DNAJA4: variants seen among roughly 807,000 people sequenced by gnomAD.
DNAJA4 encodes the protein DnaJ heat shock protein family (Hsp40) member A4.
DNAJA4 carries 32 observed loss-of-function variants against 39.7 expected under a neutral mutation model. The ratio of observed to expected loss-of-function variants is 0.81; its 90% CI spans 0.61 to 1.08. The LOEUF is 1.08. Ranked by LOEUF, DNAJA4 falls within the 50% of genes least tolerant of loss-of-function variation. The pLI is 0.00. For missense variants in DNAJA4, 439 were observed against 505.1 expected, an observed-to-expected ratio of 0.87 and a Z score of 1.25; for synonymous variants, 184 against 182.4, an observed-to-expected ratio of 1.01 and a Z score of -0.07.
intron 5 of DNAJA4, among the ~76,000 whole-genome samples, chr15:78,277,353 G>A (rs145847368): frequency 2.6e-5 from 4 of 152,176 alleles, no homozygotes; most frequent in Admixed American, 6.5e-5. Context: ...ACGGGGTTTC[G>A]CCATGTTGCC....
intron 4 of DNAJA4, 174 bp downstream of exon 4, chr15:78,274,598 C>T: frequency 1.6e-6 from 1 of 637,592 alleles, no homozygotes; most frequent in Middle Eastern, 4.1e-4. Context: ...GCCTTATTTC[C>T]ATTCCATGTC....
chr15:78,279,766 C>T lies in DNAJA4; in HGVS notation c.878-279C>T. The T allele has an allele frequency of 2.0e-6, 1 of 493,206 alleles. No homozygotes were observed. The highest frequency in any genetic ancestry group is 3.6e-6 in the Non-Finnish European group (1 of 277,110). The allele number at this position is 493,206 out of a possible 1,614,324, so 30.6% of individuals were successfully genotyped here. On this transcript the variant is annotated intron_variant, in intron 5 of 6. Coordinates refer to ENST00000394852, the MANE Select transcript of DNAJA4 (RefSeq NM_001130182.2). This position sits in a 1 kb window ranked among gnomAD's most constrained non-coding sequence, Gnocchi z 4.5. Reference sequence around the variant, plus strand: ...CTTGGGTGTCATGACTTCTAGTTCACTTGTTTTAAACCTACCTGTGATGGC... The same window carrying T: ...CTTGGGTGTCATGACTTCTAGTTCATTTGTTTTAAACCTACCTGTGATGGC...
rs116625520 is a variant in DNAJA4, at chr15:78,272,379, C to T, written c.314-716C>T. Among the ~76,000 whole-genome samples, 542 of 152,270 alleles carry T rather than the reference C, an allele frequency of 3.6e-3. 2 individuals are homozygous for T. The highest frequency in any genetic ancestry group is 0.012 in the African/African-American group (492 of 41,548). The stretch of plus-strand genomic sequence containing the variant: ...AAAAAACCTTGGGTATTCTCTTGTC[C>T]AGCTCCCTCACTGTCTTGAGATGAA... On this transcript the variant is annotated intron_variant, in intron 2 of 6. Coordinates refer to ENST00000394852, the MANE Select transcript of DNAJA4 (RefSeq NM_001130182.2).
At position 78,280,711 on chromosome 15, in the gene DNAJA4, A is replaced by G. The variant is rs762692700; in HGVS notation, c.*251A>G. The G allele has an allele frequency of 1.2e-5, 5 of 407,522 alleles. No homozygotes were observed. The highest frequency in any genetic ancestry group is 2.2e-5 in the Non-Finnish European group (5 of 228,130). The allele number at this position is 407,522 out of a possible 1,614,324, so 25.2% of individuals were successfully genotyped here. A position where few individuals can be genotyped will look rare whatever the true frequency, so the allele number is the denominator to read the frequency against. On this transcript the variant is annotated 3_prime_UTR_variant, in exon 7 of 7. Transcript: ENST00000394852. The stretch of plus-strand genomic sequence containing the variant: ...ATGGAATCTGTTCATTTCTATTTTC[A>G]GGATATACTTTTGAGATGTCAGTGA...
Position 78,280,520 on chromosome 15 carries a change from A to G in DNAJA4, c.*60A>G. 7.1e-7 allele frequency: 1 copy of G among 1,417,464 alleles called. No individual in the cohort carries two copies. Among genetic ancestry groups the G allele is most frequent in the East Asian group, 2.4e-5 (1 of 40,890 alleles). 87.8% of individuals were successfully genotyped at this position (1,417,464 alleles called of 1,614,324 possible). A position where few individuals can be genotyped will look rare whatever the true frequency, so the allele number is the denominator to read the frequency against. On this transcript the variant is annotated 3_prime_UTR_variant, in exon 7 of 7. Coordinates refer to ENST00000394852, the MANE Select transcript of DNAJA4 (RefSeq NM_001130182.2). ...CACATGATGAATGTAAAGTTGGCACAATGAAAATGACATCGCTTTAATGGC... is the reference window on the plus strand; with the variant it reads ...CACATGATGAATGTAAAGTTGGCACGATGAAAATGACATCGCTTTAATGGC...
At chr15:78,264,440 G>T (rs951118785), upstream of DNAJA4, 22 of 1,331,394 alleles carry the variant, frequency 1.7e-5, no homozygotes, top group East Asian at 3.1e-5. Context: ...TCTGGGCCGC[G>T]AACCCGCCGC....
chr15:78,264,440 G>C (rs951118785), upstream of DNAJA4: 4 of 1,331,396 alleles, frequency 3.0e-6, no homozygotes, highest in African/African-American at 3.1e-5. Context: ...TCTGGGCCGC[G>C]AACCCGCCGC....
In DNAJA4 at chr15:78,264,713, G is replaced by T; in HGVS notation, c.-51G>T. The stretch of plus-strand genomic sequence containing the variant: ...GGGCGCGGGCCAGGGTGCCGGCAGG[G>T]GCGTCCGGGGCGCTCTGACCGGCCT... On this transcript the variant is annotated 5_prime_UTR_variant, in exon 1 of 7. Coordinates refer to ENST00000394852, the MANE Select transcript of DNAJA4 (RefSeq NM_001130182.2). The T allele has an allele frequency of 7.2e-7, 1 of 1,383,926 alleles. No homozygotes were observed. The highest frequency in any genetic ancestry group is 9.5e-7 in the Non-Finnish European group (1 of 1,051,688). 85.7% of individuals were successfully genotyped at this position (1,383,926 alleles called of 1,614,324 possible).
At position 78,264,735 on chromosome 15, in the gene DNAJA4, G is replaced by T; in HGVS notation, c.-29G>T. On this transcript the variant is annotated 5_prime_UTR_variant, in exon 1 of 7. Coordinates refer to ENST00000394852, the MANE Select transcript of DNAJA4 (RefSeq NM_001130182.2). ...AGGGGCGTCCGGGGCGCTCTGACCG[G>T]CCTCGCCCGCCCCCCCCGCAGACAC... is the stretch of plus-strand genomic sequence containing the variant. The T allele has an allele frequency of 1.5e-6, 2 of 1,375,728 alleles. No homozygotes were observed. Among genetic ancestry groups the T allele is most frequent in the Non-Finnish European group, 1.9e-6 (2 of 1,062,416 alleles). 85.2% of individuals were successfully genotyped at this position (1,375,728 alleles called of 1,614,324 possible).
chr15:78,279,219 G>A lies in DNAJA4; in HGVS notation c.878-826G>A, dbSNP rs960942784. On this transcript the variant is annotated intron_variant, in intron 5 of 6. Transcript: ENST00000394852. This position sits in a 1 kb window ranked among gnomAD's most constrained non-coding sequence, Gnocchi z 4.5. ...TAGTCCCGTATGGAAGTGGACTGCT[G>A]AAGAAATTAGTGTTTCCATTCCCCT... is the stretch of plus-strand genomic sequence containing the variant. 1 of 152,234 alleles carries A rather than the reference G, an allele frequency of 6.6e-6. No individual in the cohort carries two copies. Among genetic ancestry groups the A allele is most frequent in the African/African-American group, 2.4e-5 (1 of 41,448 alleles). 9.4% of individuals were successfully genotyped at this position (152,234 alleles called of 1,614,324 possible). A position where few individuals can be genotyped will look rare whatever the true frequency, so the allele number is the denominator to read the frequency against.
rs920811547 is a variant in DNAJA4 at position 78,282,123 on chromosome 15, G to A, written c.*1663G>A. ...CTTGTCATATAAAAGGAATTTGGAG[G>A]GTGTCGCTTAAAATTTTATTCCACC... is the stretch of plus-strand genomic sequence containing the variant. On this transcript the variant is annotated 3_prime_UTR_variant, in exon 7 of 7. Coordinates refer to ENST00000394852, the MANE Select transcript of DNAJA4 (RefSeq NM_001130182.2). 2.6e-5 allele frequency: 4 copies of A among 152,042 alleles called. No individual in the cohort carries two copies. Among genetic ancestry groups the A allele is most frequent in the African/African-American group, 7.3e-5 (3 of 41,366 alleles). 9.4% of individuals were successfully genotyped at this position (152,042 alleles called of 1,614,324 possible).
upstream of DNAJA4, chr15:78,264,158 G>C (rs184974886): frequency 6.3e-6 from 3 of 479,486 alleles, no homozygotes; most frequent in Non-Finnish European, 1.0e-5. Flanking sequence ...CCCACCCTTC[G>C]GCGCAGGGCT....
intron 5 of DNAJA4, chr15:78,278,343 T>A (rs1181602632): frequency 4.4e-6 from 2 of 453,334 alleles, no homozygotes; most frequent in Middle Eastern, 4.4e-4. Context: ...CATATGTAAC[T>A]TAACGAAGGG....
intron 2 of DNAJA4, among the ~76,000 whole-genome samples, chr15:78,271,387 C>T (rs2049291067): frequency 6.6e-6 from 1 of 152,088 alleles, no homozygotes. Flanking sequence ...CCCTTTGTGG[C>T]CCTCCATGTT....
rs926033604 is a variant in DNAJA4 at position 78,271,237 on chromosome 15, G to A, written c.313+560G>A. 3.3e-5 allele frequency among the ~76,000 whole-genome samples: 5 copies of A among 152,352 alleles called. No homozygotes were observed. The East Asian group carries it at 7.7e-4, about 23-fold the overall frequency. Reference sequence around the variant, plus strand: ...CGAATGGAGTGGTGGATAGAAAAGAGGAAGGTGAAGTTCATCGTGCCTTCT... The same window carrying A: ...CGAATGGAGTGGTGGATAGAAAAGAAGAAGGTGAAGTTCATCGTGCCTTCT... On this transcript the variant is annotated intron_variant, in intron 2 of 6. Transcript: ENST00000394852.
chr15:78,272,492 G>A lies in DNAJA4; in HGVS notation c.314-603G>A, dbSNP rs77739996. Among the ~76,000 whole-genome samples the A allele has an allele frequency of 5.6e-3, 850 of 152,318 alleles. 7 individuals carry two copies. Among genetic ancestry groups the A allele is most frequent in the Middle Eastern group, 0.014 (4 of 294 alleles). Reference sequence around the variant, plus strand: ...ATCTCAGTGACTGCAGGAGCTCCACGGGCAGCAGGGAGGGTCTTGATGCTG... The same window carrying A: ...ATCTCAGTGACTGCAGGAGCTCCACAGGCAGCAGGGAGGGTCTTGATGCTG... On this transcript the variant is annotated intron_variant, in intron 2 of 6. Transcript: ENST00000394852.
chr15:78,264,508 C>A, upstream of DNAJA4: 1 of 1,235,528 alleles, frequency 8.1e-7, no homozygotes, highest in Admixed American at 4.3e-5. Flanking sequence ...CGTCTCCTTG[C>A]GGAAGCTTCC....
intron 5 of DNAJA4, 152 bp downstream of exon 5, chr15:78,275,880 C>G (rs765663586): frequency 2.4e-5 from 15 of 618,376 alleles, no homozygotes; most frequent in Non-Finnish European, 3.9e-5. Context: ...GGGTAATGAT[C>G]AAGCCACGTG....
At chr15:78,270,777 G>A in intron 2 of DNAJA4, 100 bp downstream of exon 2, 1 of 1,309,800 alleles carries the variant, frequency 7.6e-7, no homozygotes, top group South Asian at 1.6e-5. Context: ...ATATGATTGG[G>A]CCAGGCGCGG....
Sources: gnomAD v4.1 joint callset for allele counts (sites outside exome capture counted in the v4.1 genomes callset) on GRCh38, gnomAD v4.1.1 for gene constraint, Gnocchi (gnomAD v3.1) non-coding constraint, MANE v1.5 for transcripts, NCBI Gene and HGNC (gene_info 2026-07-23, HGNC 2026-07-21) for gene names.